The following ZNF503 variants were observed in gnomAD, a reference collection of about 807,000 sequenced individuals.
The protein encoded by ZNF503 is NocA-like zinc finger 2.
ZNF503 carries 15 observed loss-of-function variants against 34.4 expected under a neutral mutation model. That is an observed-to-expected ratio of 0.44 (90% CI 0.29 to 0.67). The LOEUF is 0.67. Among genes scored for constraint, ZNF503 ranks in the 30% least tolerant of loss-of-function variants. The probability of loss-of-function intolerance (pLI) is 0.13; values close to 1 mark genes in which losing one functional copy is unlikely to be tolerated. For synonymous variants in ZNF503, 580 were observed against 456.8 expected, an observed-to-expected ratio of 1.27 and a Z score of -3.44; for missense variants, 1,007 against 926.8, an observed-to-expected ratio of 1.09 and a Z score of -1.12.
chr10:75,292,855 T>C, the ZNF503 span, among the ~76,000 whole-genome samples: 2 of 152,324 alleles, frequency 1.3e-5, no homozygotes, highest in South Asian at 2.1e-4. Context: ...TTTGCCTACC[T>C]CCTCGTTCTT....
chr10:75,286,268 G>A, the ZNF503 span, among the ~76,000 whole-genome samples: 11 of 133,490 alleles, frequency 8.2e-5, no homozygotes, highest in Non-Finnish European at 1.4e-4. Flanking sequence ...CTGGGAGACA[G>A]AGCAATACTG....
chr10:75,366,661 G>T, the ZNF503 span, among the ~76,000 whole-genome samples: 1 of 152,216 alleles, frequency 6.6e-6, no homozygotes, highest in Admixed American at 6.5e-5. Flanking sequence ...CAAGGCCTTT[G>T]CCCTTACCAT....
the ZNF503 span, among the ~76,000 whole-genome samples, chr10:75,295,069 T>TA: frequency 6.6e-6 from 1 of 151,242 alleles, no homozygotes; most frequent in African/African-American, 2.4e-5. The surrounding 1 kb of genome is among the most constrained non-coding windows in gnomAD (Gnocchi z 4.0). Flanking sequence ...AGGGATTTGT[T>TA]ATGACTTGCG....
At chr10:75,303,343 C>A in the ZNF503 span, among the ~76,000 whole-genome samples, 1 of 152,076 alleles carries the variant, frequency 6.6e-6, no homozygotes, top group Non-Finnish European at 1.5e-5. Flanking sequence ...GTTTCTGCCC[C>A]AGTCTAACTG....
the ZNF503 span, among the ~76,000 whole-genome samples, chr10:75,314,236 CAAAAAAAA>C: frequency 0.023 from 2,089 of 89,938 alleles, 67 homozygotes; most frequent in African/African-American, 0.079. Context: ...GACTCCGTCT[CAAAAAAAA>C]AAAAAAAAAA....
At chr10:75,316,400 A>T in the ZNF503 span, among the ~76,000 whole-genome samples, 1 of 149,488 alleles carries the variant, frequency 6.7e-6, no homozygotes, top group African/African-American at 2.5e-5. Flanking sequence ...TCTGTCACCC[A>T]GGCTGGAGTG....
At chr10:75,349,595 T>C in the ZNF503 span, among the ~76,000 whole-genome samples, 3 of 152,178 alleles carry the variant, frequency 2.0e-5, no homozygotes, top group South Asian at 2.1e-4. Context: ...CAAAGTCACA[T>C]AGAAAGAGGA....
At chr10:75,397,038 C>T (rs972327047), downstream of ZNF503, among the ~76,000 whole-genome samples, 1 of 152,166 alleles carries the variant, frequency 6.6e-6, no homozygotes, top group African/African-American at 2.4e-5. Context: ...CGGACCTGGG[C>T]GCCGGGACGC....
At chr10:75,384,260 C>T in the ZNF503 span, among the ~76,000 whole-genome samples, 4 of 152,040 alleles carry the variant, frequency 2.6e-5, no homozygotes, top group Admixed American at 1.3e-4. Flanking sequence ...CACACACATG[C>T]GCATACACAC....
chr10:75,339,677 G>A, the ZNF503 span, among the ~76,000 whole-genome samples: 2 of 152,188 alleles, frequency 1.3e-5, no homozygotes, highest in African/African-American at 2.4e-5. Context: ...CCTTGGTGAT[G>A]CCCCAAGGAG....
the ZNF503 span, among the ~76,000 whole-genome samples, chr10:75,298,224 T>C: frequency 1.3e-5 from 2 of 152,256 alleles, no homozygotes; most frequent in East Asian, 3.8e-4. Flanking sequence ...CTGTAAAGCC[T>C]ACACTTTAGA....
the ZNF503 span, among the ~76,000 whole-genome samples, chr10:75,366,701 C>T: frequency 6.6e-6 from 1 of 152,258 alleles, no homozygotes; most frequent in Admixed American, 6.5e-5. Context: ...TTCCAGCCAC[C>T]AGCATCTGCA....
At chr10:75,397,078 G>T (rs1353209588), downstream of ZNF503, among the ~76,000 whole-genome samples, 4 of 152,188 alleles carry the variant, frequency 2.6e-5, no homozygotes, top group Non-Finnish European at 5.9e-5. Context: ...GGGGCTTTCC[G>T]GGTCCTGGCC....
chr10:75,325,103 G>A, the ZNF503 span, among the ~76,000 whole-genome samples: 1 of 151,988 alleles, frequency 6.6e-6, no homozygotes, highest in Non-Finnish European at 1.5e-5. Context: ...ATTATCTTGG[G>A]TATATATCTA....
the ZNF503 span, among the ~76,000 whole-genome samples, chr10:75,347,886 A>C: frequency 6.6e-6 from 1 of 151,852 alleles, no homozygotes; most frequent in Non-Finnish European, 1.5e-5. Flanking sequence ...CTTGCCTGTT[A>C]TTATTTTTGA....
At chr10:75,372,737 A>T in the ZNF503 span, among the ~76,000 whole-genome samples, 2 of 152,204 alleles carry the variant, frequency 1.3e-5, no homozygotes, top group Non-Finnish European at 2.9e-5. Context: ...CCCCCAATCC[A>T]AGCCCGAGTT....
chr10:75,346,207 T>C, the ZNF503 span, among the ~76,000 whole-genome samples: 1 of 152,166 alleles, frequency 6.6e-6, no homozygotes, highest in African/African-American at 2.4e-5. Flanking sequence ...CTTCGGTTTG[T>C]GTTCCTGCTC....
chr10:75,346,897 C>T, the ZNF503 span, among the ~76,000 whole-genome samples: 1 of 152,010 alleles, frequency 6.6e-6, no homozygotes, highest in Admixed American at 6.5e-5. Flanking sequence ...CTGCCTCAGC[C>T]TCCCAAAGTG....
chr10:75,285,017 A>C, the ZNF503 span, among the ~76,000 whole-genome samples: 3 of 152,230 alleles, frequency 2.0e-5, no homozygotes, highest in South Asian at 6.2e-4. Flanking sequence ...TTCTAGTCCA[A>C]TGACCCATTA....
Sources: allele counts gnomAD v4.1 joint callset (sites outside exome capture counted in the v4.1 genomes callset), GRCh38; gene constraint gnomAD v4.1.1; non-coding constraint Gnocchi (gnomAD v3.1); transcripts MANE v1.5; gene names NCBI Gene and HGNC (gene_info 2026-07-23, HGNC 2026-07-21).